The following SEMA3A variants were observed in gnomAD, a reference collection of about 807,000 sequenced individuals.
The protein encoded by SEMA3A is semaphorin 3A.
Under a neutral mutation model 97.9 loss-of-function variants are expected in SEMA3A, and 29 were observed. The observed-to-expected ratio is 0.30, with a 90% CI of 0.22 to 0.40. The LOEUF is 0.40. Among genes scored for constraint, SEMA3A ranks in the 10% least tolerant of loss-of-function variants. The probability of loss-of-function intolerance (pLI) is 1.00; values close to 1 mark genes in which losing one functional copy is unlikely to be tolerated. For missense variants in SEMA3A, 763 were observed against 951.3 expected (o/e 0.80, Z 2.60); for synonymous variants, 321 against 323.7 (o/e 0.99, Z 0.09).
At chr7:84,131,719 T>C (rs937091892) in intron 2 of SEMA3A, among the ~76,000 whole-genome samples, 3 of 152,176 alleles carry the variant, frequency 2.0e-5, no homozygotes, top group Non-Finnish European at 4.4e-5. Context: ...GAACATTACA[T>C]ATACATAGGT....
At chr7:84,123,734 T>C (rs1440174288) in intron 3 of SEMA3A, among the ~76,000 whole-genome samples, 1 of 145,260 alleles carries the variant, frequency 6.9e-6, no homozygotes, top group Non-Finnish European at 1.5e-5. Context: ...AATATATATA[T>C]TTAAAATATA....
chr7:84,156,520 T>C (rs924691698), intron 1 of SEMA3A, among the ~76,000 whole-genome samples: 1 of 152,114 alleles, frequency 6.6e-6, no homozygotes, highest in Admixed American at 6.6e-5. Context: ...CCAGAAATTA[T>C]TGTTTTCTCA....
intron 3 of SEMA3A, among the ~76,000 whole-genome samples, chr7:84,120,766 G>A (rs576604307): frequency 6.6e-6 from 1 of 152,140 alleles, no homozygotes; most frequent in African/African-American, 2.4e-5. Context: ...ATTATAAAGG[G>A]TCTGGGGTTT....
rs947058366 is a variant in SEMA3A at position 83,956,999 on chromosome 7, G to C, written c.*4372C>G. ...TATCGTAACTTGGTTCTTTTCAACA[G>C]TGATTTATTGGGCTCCCTCTTTGTG... On this transcript the variant is annotated 3_prime_UTR_variant, in exon 17 of 17. Coordinates refer to ENST00000265362, the MANE Select transcript of SEMA3A (RefSeq NM_006080.3). 2.0e-5 allele frequency: 3 copies of C among 151,866 alleles called. No homozygotes were observed. Among genetic ancestry groups the C allele is most frequent in the Non-Finnish European group, 4.4e-5 (3 of 67,988 alleles). 9.4% of individuals were successfully genotyped at this position (151,866 alleles called of 1,614,324 possible).
intron 1 of SEMA3A, among the ~76,000 whole-genome samples, chr7:84,482,749 A>G (rs1488668592): frequency 6.6e-6 from 1 of 152,042 alleles, no homozygotes; most frequent in Non-Finnish European, 1.5e-5. Flanking sequence ...GCCTCTTCCC[A>G]CTGTTAAAGA....
At chr7:84,229,827 C>T (rs867108835) in intron 3 of SEMA3A, among the ~76,000 whole-genome samples, 13 of 151,990 alleles carry the variant, frequency 8.6e-5, no homozygotes, top group Middle Eastern at 3.4e-3. Flanking sequence ...TGCCCAATTT[C>T]CTGACCTTAT....
At chr7:84,443,562 G>A (rs1010175265) in intron 1 of SEMA3A, among the ~76,000 whole-genome samples, 1 of 152,126 alleles carries the variant, frequency 6.6e-6, no homozygotes, top group Admixed American at 6.5e-5. Context: ...TAAGGTGAAT[G>A]ACTCATGATT....
intron 2 of SEMA3A, among the ~76,000 whole-genome samples, chr7:84,359,534 G>T (rs563810255): frequency 6.6e-6 from 1 of 151,890 alleles, no homozygotes; most frequent in Admixed American, 6.6e-5. Flanking sequence ...TGCTGGATTC[G>T]GTTTGCCAGT....
At chr7:84,357,454 A>G (rs1194434769) in intron 2 of SEMA3A, among the ~76,000 whole-genome samples, 1 of 152,048 alleles carries the variant, frequency 6.6e-6, no homozygotes, top group Non-Finnish European at 1.5e-5. Flanking sequence ...GTCCCTACAA[A>G]GGACATGAAC....
Position 83,960,922 on chromosome 7 carries a change from A to G in SEMA3A, c.*449T>C, listed in dbSNP as rs1788444249. 1 of 172,358 alleles carries G rather than the reference A, an allele frequency of 5.8e-6. No individual in the cohort carries two copies. The highest frequency in any genetic ancestry group is 2.4e-5 in the African/African-American group (1 of 41,502). The allele number at this position is 172,358 out of a possible 1,614,324, so 10.7% of individuals were successfully genotyped here. A position where few individuals can be genotyped will look rare whatever the true frequency, so the allele number is the denominator to read the frequency against. On this transcript the variant is annotated 3_prime_UTR_variant, in exon 17 of 17. Transcript: ENST00000265362. ...CATACAAACATGAGGGCCGGTAGAC[A>G]AAATATATCCTTGAATCCAACCACG... is the stretch of plus-strand genomic sequence containing the variant.
intron 3 of SEMA3A, among the ~76,000 whole-genome samples, chr7:84,235,953 T>C (rs1799226201): frequency 1.3e-5 from 2 of 152,102 alleles, no homozygotes; most frequent in Admixed American, 1.3e-4. Context: ...TTTTAACTAA[T>C]CTATTTTCCT....
At chr7:84,089,345 CA>C (rs1794489067) in intron 4 of SEMA3A, among the ~76,000 whole-genome samples, 1 of 152,014 alleles carries the variant, frequency 6.6e-6, no homozygotes, top group South Asian at 2.1e-4. Context: ...TATGCAAATG[CA>C]AATATGTCAA....
intron 1 of SEMA3A, among the ~76,000 whole-genome samples, chr7:84,152,248 T>A (rs1796694807): frequency 6.7e-6 from 1 of 148,674 alleles, no homozygotes; most frequent in African/African-American, 2.5e-5. Context: ...CACACGTATG[T>A]TTATTGCGGC....
At chr7:84,230,802 CA>C (rs1799099910) in intron 3 of SEMA3A, among the ~76,000 whole-genome samples, 1 of 151,894 alleles carries the variant, frequency 6.6e-6, no homozygotes. Flanking sequence ...CTCTATTACA[CA>C]ATGTTTTTAA....
intron 1 of SEMA3A, among the ~76,000 whole-genome samples, chr7:84,177,074 A>G (rs1797590630): frequency 6.6e-6 from 1 of 152,192 alleles, no homozygotes; most frequent in Non-Finnish European, 1.5e-5. Flanking sequence ...AAAGGACATG[A>G]TGAAGCATGT....
At chr7:84,018,397 G>C (rs1416951209) in intron 6 of SEMA3A, among the ~76,000 whole-genome samples, 1 of 152,038 alleles carries the variant, frequency 6.6e-6, no homozygotes, top group Non-Finnish European at 1.5e-5. Flanking sequence ...AGCACCTACT[G>C]TATACTCTGG....
intron 6 of SEMA3A, among the ~76,000 whole-genome samples, chr7:84,018,764 C>T (rs902876483): frequency 1.3e-5 from 2 of 152,102 alleles, no homozygotes; most frequent in African/African-American, 2.4e-5. Context: ...GTAAGTTAAG[C>T]AGAGACCAGA....
chr7:84,312,466 C>T (rs1344124675), intron 2 of SEMA3A, among the ~76,000 whole-genome samples: 1 of 151,548 alleles, frequency 6.6e-6, no homozygotes, highest in Non-Finnish European at 1.5e-5. Context: ...AACAGAAATT[C>T]TATAAACTAT....
chr7:84,388,411 A>G (rs1427692513), intron 1 of SEMA3A, among the ~76,000 whole-genome samples: 1 of 152,020 alleles, frequency 6.6e-6, no homozygotes, highest in African/African-American at 2.4e-5. Flanking sequence ...TACCGTTTTA[A>G]AGCACATGTT....
Sources: allele counts gnomAD v4.1 joint callset (sites outside exome capture counted in the v4.1 genomes callset), GRCh38; gene constraint gnomAD v4.1.1; transcripts MANE v1.5; gene names NCBI Gene and HGNC (gene_info 2026-07-23, HGNC 2026-07-21).